The following POLR3C variants were observed in gnomAD, a reference collection of about 807,000 sequenced individuals.
POLR3C encodes RNA polymerase III subunit C, also known as DNA-directed RNA polymerase III subunit RPC3.
In POLR3C, 44 loss-of-function variants were observed where a neutral mutation model predicts 65.9. The observed-to-expected ratio is 0.67, with a 90% CI of 0.52 to 0.86. POLR3C has a LOEUF of 0.86. Among genes scored for constraint, POLR3C ranks in the 40% least tolerant of loss-of-function variants. POLR3C has a pLI of 0.00. For missense variants in POLR3C, 576 were observed against 653.2 expected, an observed-to-expected ratio of 0.88 and a Z score of 1.29; for synonymous variants, 263 against 231.6, an observed-to-expected ratio of 1.14 and a Z score of -1.23.
chr1:145,827,033 G>A, intron 4 of POLR3C, 28 bp downstream of exon 4: 1 of 1,520,720 alleles, frequency 6.6e-7, no homozygotes, highest in East Asian at 2.2e-5. Flanking sequence ...CTGGAACTGT[G>A]ACTTGCCTTA....
At chr1:145,836,667 G>A (rs1553728772) in intron 8 of POLR3C, 93 bp downstream of exon 8, 1 of 957,092 alleles carries the variant, frequency 1.0e-6, no homozygotes, top group African/African-American at 1.6e-5. Flanking sequence ...CTCCTGCAGA[G>A]TTATTCTCTA....
chr1:145,824,473 G>A (rs1363036582), intron 1 of POLR3C, 104 bp downstream of exon 1: 3 of 1,171,298 alleles, frequency 2.6e-6, no homozygotes, highest in East Asian at 5.7e-5. Flanking sequence ...GGAGCCAAGC[G>A]CCTTGGAAGC....
intron 7 of POLR3C, among the ~76,000 whole-genome samples, chr1:145,834,132 TGTTACTGTACTGA>T (rs1440943320): frequency 6.6e-6 from 1 of 152,206 alleles, no homozygotes; most frequent in Non-Finnish European, 1.5e-5. Flanking sequence ...CTGTACAGCA[TGTTACTGTACTGA>T]ATACTGTAGG....
At position 145,838,115 on chromosome 1, in the gene POLR3C, A is replaced by C. The variant is rs1368012906; in HGVS notation, c.1130A>C (p.Gln377Pro). ...GTTTTGCAGAAGAAACACATAGAGC[A>C]GAAGCAAGTGGAAGACTTTGCAATG... The part of the protein sequence containing the change: ...RLVLQKKHIE[Q>P]KQVEDFAMIP... The change falls in exon 11 of 15, where the codon CAG becomes CCG. Residue 377 changes from glutamine (Q) to proline (P), a missense_variant. Physicochemically the swap from Gln to Pro is moderately conservative, Grantham distance 76. Coordinates refer to ENST00000334163, the MANE Select transcript of POLR3C (RefSeq NM_006468.8). 5 of 1,613,354 alleles carry C rather than the reference A, an allele frequency of 3.1e-6. No individual in the cohort carries two copies. Among genetic ancestry groups the C allele is most frequent in the African/African-American group, 1.3e-5 (1 of 74,928 alleles).
At chr1:145,829,949 A>G (rs587601396) in intron 5 of POLR3C, among the ~76,000 whole-genome samples, 1 of 152,314 alleles carries the variant, frequency 6.6e-6, no homozygotes, top group South Asian at 2.1e-4. Flanking sequence ...ATTATTTATT[A>G]TTTGTGTACA....
At position 145,843,927 on chromosome 1, in the gene POLR3C, TTCAACA is replaced by T. The variant is rs1325176419; in HGVS notation, c.*1511_*1516del. Reference sequence around the variant, plus strand: ...TGGCCGACAGATACATCAAAAAATGTTCAACATCACTAATCAGAGAAATGGAAATCA... The same window carrying T: ...TGGCCGACAGATACATCAAAAAATGTTCACTAATCAGAGAAATGGAAATCA... On this transcript the variant is annotated 3_prime_UTR_variant, in exon 15 of 15. Transcript: ENST00000334163. Among the ~76,000 whole-genome samples, 5 of 152,204 alleles carry T rather than the reference TTCAACA, an allele frequency of 3.3e-5. No individual in the cohort carries two copies. The highest frequency in any genetic ancestry group is 7.4e-5 in the Non-Finnish European group (5 of 68,022).
rs1553727756 is a variant in POLR3C at position 145,833,470 on chromosome 1, C to G, written c.784-20C>G. On this transcript the variant is annotated intron_variant, in intron 6 of 14. Coordinates refer to ENST00000334163, the MANE Select transcript of POLR3C (RefSeq NM_006468.8). ...GGGGCAGCACTGTGATTTCTGAATT[C>G]TAGTTTACTTTTCAAACAGACAAGC... The G allele has an allele frequency of 6.3e-7, 1 of 1,599,928 alleles. No individual in the cohort carries two copies. Among genetic ancestry groups the G allele is most frequent in the South Asian group, 1.1e-5 (1 of 90,782 alleles).
intron 8 of POLR3C, 31 bp from the exon 9 acceptor site, chr1:145,836,784 T>C (rs781966444): frequency 6.8e-7 from 1 of 1,467,192 alleles, no homozygotes; most frequent in South Asian, 1.2e-5. Context: ...GGACTTTCCG[T>C]TCAGTTAACA....
At chr1:145,840,550 A>AT (rs1158522022) in intron 13 of POLR3C, 485 of 238,998 alleles carry the variant, frequency 2.0e-3, no homozygotes, top group Middle Eastern at 3.1e-3. Context: ...AAAAAAAAAA[A>AT]TTTTTTTTTT....
rs1652402039 is a variant in POLR3C at position 145,842,911 on chromosome 1, C to T, written c.*491C>T. Among the ~76,000 whole-genome samples, 1 of 152,132 alleles carries T rather than the reference C, an allele frequency of 6.6e-6. No individual in the cohort carries two copies. Among genetic ancestry groups the T allele is most frequent in the Non-Finnish European group, 1.5e-5 (1 of 68,032 alleles). On this transcript the variant is annotated 3_prime_UTR_variant, in exon 15 of 15. Transcript: ENST00000334163. ...CCCTACAGCCTTGACCTCCTGAGCT[C>T]AAGCAGTCCTTCCACCTCAGCCTCT...
At chr1:145,826,791 T>A (rs371402907) in intron 3 of POLR3C, 29 bp from the exon 4 acceptor site, 1 of 1,604,146 alleles carries the variant, frequency 6.2e-7, no homozygotes, top group Non-Finnish European at 8.5e-7. Flanking sequence ...TTAGGCCATC[T>A]CATCTGCCTT....
intron 14 of POLR3C, 119 bp downstream of exon 14, chr1:145,841,190 A>C: frequency 3.8e-6 from 3 of 782,934 alleles, no homozygotes; most frequent in South Asian, 1.8e-5. Flanking sequence ...CCTCCAGCTC[A>C]CTTAACAGAA....
chr1:145,828,351 A>G (rs1553726334), intron 4 of POLR3C, among the ~76,000 whole-genome samples: 1 of 152,180 alleles, frequency 6.6e-6, no homozygotes, highest in Non-Finnish European at 1.5e-5. Flanking sequence ...ACATGATCTA[A>G]TTTGCACTTT....
At chr1:145,837,331 A>C (rs1011893639) in intron 9 of POLR3C, among the ~76,000 whole-genome samples, 1 of 152,212 alleles carries the variant, frequency 6.6e-6, no homozygotes, top group Non-Finnish European at 1.5e-5. Flanking sequence ...TTAATCAACC[A>C]AATTTTAGTT....
At position 145,837,595 on chromosome 1, in the gene POLR3C, A is replaced by G. The variant is rs782313792; in HGVS notation, c.1069A>G (p.Arg357Gly). The change falls in exon 10 of 15, where the codon AGA (arginine) becomes GGA (glycine). Residue 357 changes from arginine to glycine, a missense_variant and splice_region_variant. By Grantham distance (125) the Arg-to-Gly change is moderately radical. Transcript: ENST00000334163. ...CACTCTGGAGTCCGTCGTACAGGAG[A>G]GGTAAGGGGGACACTGGTTGGGTTT... ...TATLESVVQE[R>G]FGSRCARIFR... is the part of the protein sequence containing the mutation. 6.2e-7 allele frequency: 1 copy of G among 1,601,970 alleles called. No homozygotes were observed. The highest frequency in any genetic ancestry group is 8.5e-7 in the Non-Finnish European group (1 of 1,170,006).
rs1433661637 is a variant in POLR3C, at chr1:145,843,668, A to G, written c.*1248A>G. ...GAAGTATTAGGGGTGCTACAGTAGA[A>G]GAGTAAACACTATGTACAGAGAGGC... On this transcript the variant is annotated 3_prime_UTR_variant, in exon 15 of 15. Coordinates refer to ENST00000334163, the MANE Select transcript of POLR3C (RefSeq NM_006468.8). Among the ~76,000 whole-genome samples the G allele has an allele frequency of 6.6e-6, 1 of 152,220 alleles. No homozygotes were observed. The highest frequency in any genetic ancestry group is 2.4e-5 in the African/African-American group (1 of 41,442).
At chr1:145,838,360 G>A (rs1652023308) in intron 11 of POLR3C, among the ~76,000 whole-genome samples, 154 bp downstream of exon 11, 1 of 152,182 alleles carries the variant, frequency 6.6e-6, no homozygotes, top group Non-Finnish European at 1.5e-5. Context: ...AGCACTTGGA[G>A]GATAATTTGG....
At chr1:145,835,397 A>G (rs1202348251) in intron 7 of POLR3C, among the ~76,000 whole-genome samples, 7 of 150,192 alleles carry the variant, frequency 4.7e-5, no homozygotes, top group South Asian at 2.2e-4. Flanking sequence ...GTGAGCTGAG[A>G]TCGCACCACT....
chr1:145,841,019 A>C lies in POLR3C; in HGVS notation c.1471A>C (p.Ile491Leu). Residue 491 changes from isoleucine (I) to leucine (L), a missense_variant, in exon 14 of 15, where the codon ATC becomes CTC. By Grantham distance (5) the Ile-to-Leu change is conservative (BLOSUM62 2). Transcript: ENST00000334163. ...ACAGTTACAAGAAATAGAGGAGATG[A>C]TCACAGCTCCTGAACGTCAGCAGCT... is the stretch of plus-strand genomic sequence containing the variant. ...EAQLQEIEEM[I>L]TAPERQQLET... 1 of 1,612,368 alleles carries C rather than the reference A, an allele frequency of 6.2e-7. No homozygotes were observed. Among genetic ancestry groups the C allele is most frequent in the Non-Finnish European group, 8.5e-7 (1 of 1,178,390 alleles).
Sources: allele counts gnomAD v4.1 joint callset (sites outside exome capture counted in the v4.1 genomes callset), GRCh38; gene constraint gnomAD v4.1.1; transcripts MANE v1.5; gene names NCBI Gene and HGNC (gene_info 2026-07-23, HGNC 2026-07-21).